The following RFT1 variants were observed in gnomAD, a reference collection of about 807,000 sequenced individuals.
RFT1 encodes man(5)GlcNAc(2)-PP-dolichol translocation protein RFT1.
RFT1 carries 43 observed loss-of-function variants against 62.2 expected under a neutral mutation model. The observed-to-expected ratio is 0.69, with a 90% CI of 0.54 to 0.89. The LOEUF (loss-of-function observed/expected upper bound fraction) is 0.89. RFT1 is among the 40% of genes least tolerant of loss of function. RFT1 has a pLI of 0.00. For missense variants in RFT1, 605 were observed against 649.9 expected (o/e 0.93, Z 0.75); for synonymous variants, 262 against 264.6 (o/e 0.99, Z 0.10).
chr3:53,068,796 A>C, the RFT1 span, among the ~76,000 whole-genome samples: 1 of 152,228 alleles, frequency 6.6e-6, no homozygotes. Flanking sequence ...ACAATGGTGC[A>C]AAAGTCATAC....
At chr3:53,070,698 T>C in the RFT1 span, among the ~76,000 whole-genome samples, 1 of 151,106 alleles carries the variant, frequency 6.6e-6, no homozygotes, top group African/African-American at 2.4e-5. Context: ...AAAGTAAAAA[T>C]GCATTCATGT....
At chr3:53,110,851 C>G (rs1701628022) in intron 7 of RFT1, among the ~76,000 whole-genome samples, 1 of 152,094 alleles carries the variant, frequency 6.6e-6, no homozygotes, top group Non-Finnish European at 1.5e-5. Context: ...CCTTCAGCAA[C>G]TTACAGCTGT....
intron 3 of RFT1, among the ~76,000 whole-genome samples, chr3:53,122,822 A>T (rs1702008898): frequency 6.6e-6 from 1 of 152,194 alleles, no homozygotes; most frequent in Non-Finnish European, 1.5e-5. Flanking sequence ...GGTCATGAAC[A>T]GCTAATCAAG....
the RFT1 span, among the ~76,000 whole-genome samples, chr3:53,079,025 C>T: frequency 6.6e-6 from 1 of 152,248 alleles, no homozygotes; most frequent in Admixed American, 6.5e-5. Context: ...CAGTTCCGGG[C>T]TCTCCAGCTC....
chr3:53,108,091 C>T (rs1017511633), intron 7 of RFT1, among the ~76,000 whole-genome samples: 6 of 152,208 alleles, frequency 3.9e-5, no homozygotes, highest in African/African-American at 1.4e-4. Context: ...TTCTGTCGCC[C>T]AGGCTAGAGT....
intron 10 of RFT1, among the ~76,000 whole-genome samples, chr3:53,103,421 A>AC (rs1701373160): frequency 6.6e-6 from 1 of 152,232 alleles, no homozygotes; most frequent in African/African-American, 2.4e-5. Context: ...AATTAGACAC[A>AC]TTCAATACTT....
At chr3:53,119,808 C>A in intron 6 of RFT1, 76 bp downstream of exon 6, 1 of 1,288,116 alleles carries the variant, frequency 7.8e-7, no homozygotes, top group Admixed American at 2.0e-5. Context: ...AACAATAAAC[C>A]AGTTGCAGTT....
At chr3:53,088,109 GCT>G (rs1361298987), downstream of RFT1, among the ~76,000 whole-genome samples, 1 of 152,210 alleles carries the variant, frequency 6.6e-6, no homozygotes, top group Non-Finnish European at 1.5e-5. Flanking sequence ...CACTTGCCCT[GCT>G]CTGTGCTGAA....
the RFT1 span, among the ~76,000 whole-genome samples, chr3:53,080,685 G>A: frequency 1.3e-5 from 2 of 152,180 alleles, no homozygotes; most frequent in African/African-American, 4.8e-5. Flanking sequence ...CCTGTCTAGT[G>A]CTTTACCTAC....
the RFT1 span, among the ~76,000 whole-genome samples, chr3:53,081,418 C>T: frequency 2.6e-5 from 4 of 152,144 alleles, no homozygotes; most frequent in South Asian, 8.3e-4. Flanking sequence ...TACCTCGGCA[C>T]GGGGATTGGA....
the RFT1 span, among the ~76,000 whole-genome samples, chr3:53,072,053 G>A: frequency 1.3e-5 from 2 of 152,204 alleles, no homozygotes; most frequent in Admixed American, 6.5e-5. Flanking sequence ...AGGGGAACAC[G>A]TGTCCTAGAG....
intron 11 of RFT1, among the ~76,000 whole-genome samples, chr3:53,098,495 C>T (rs1701207716): frequency 6.6e-6 from 1 of 151,836 alleles, no homozygotes; most frequent in African/African-American, 2.4e-5. Context: ...ATCAAGGTTA[C>T]AGAGGCAGCA....
chr3:53,098,606 A>C (rs2564958), intron 11 of RFT1, among the ~76,000 whole-genome samples: 6 of 151,690 alleles, frequency 4.0e-5, no homozygotes, highest in East Asian at 3.9e-4. Context: ...ATCGAGACCA[A>C]CCTGGCTGAC....
At chr3:53,081,843 T>G in the RFT1 span, among the ~76,000 whole-genome samples, 1 of 152,192 alleles carries the variant, frequency 6.6e-6, no homozygotes, top group Admixed American at 6.5e-5. Flanking sequence ...TAAGATGGGA[T>G]GAAGACAGAG....
Position 53,091,881 on chromosome 3 carries a change from G to A in RFT1, c.*22C>T, listed in dbSNP as rs368020513. On this transcript the variant is annotated 3_prime_UTR_variant, in exon 13 of 13. Transcript: ENST00000296292. Reference sequence around the variant, plus strand: ...TACCCATAGCTGGTCCAGGTGCCTCGGGTGTCCAGGCTTCCCTGAAGTCAT... The same window carrying A: ...TACCCATAGCTGGTCCAGGTGCCTCAGGTGTCCAGGCTTCCCTGAAGTCAT... 3.9e-5 allele frequency: 63 copies of A among 1,613,330 alleles called. No individual in the cohort carries two copies. The highest frequency in any genetic ancestry group is 4.9e-5 in the Non-Finnish European group (58 of 1,179,662).
intron 1 of RFT1, among the ~76,000 whole-genome samples, chr3:53,127,652 T>TAAA: frequency 7.3e-6 from 1 of 137,868 alleles, no homozygotes; most frequent in African/African-American, 2.7e-5. Context: ...GACTCCATCT[T>TAAA]AAAAAAAAAA....
Position 53,119,949 on chromosome 3 carries a change from T to C in RFT1, c.631A>G (p.Thr211Ala), listed in dbSNP as rs1337957139. 3.1e-6 allele frequency: 5 copies of C among 1,613,136 alleles called. No homozygotes were observed. The highest frequency in any genetic ancestry group is 2.2e-5 in the East Asian group (1 of 44,864). The change falls in exon 6 of 13, where the codon ACC becomes GCC. Residue 211 changes from threonine (T) to alanine (A), a missense_variant. Coordinates refer to ENST00000296292, the MANE Select transcript of RFT1 (RefSeq NM_052859.4). The stretch of plus-strand genomic sequence containing the variant: ...GAGACAGGAAGAGTTTGAAGCTTGG[T>C]TGATTCTGGGGAACCCAGTAACTTT... ...FTKLLGSPES[T>A]KLQTLPVSRI...
the RFT1 span, chr3:53,078,222 A>G: frequency 6.6e-6 from 1 of 152,218 alleles, no homozygotes; most frequent in Non-Finnish European, 1.5e-5. Flanking sequence ...CTGCAATGGC[A>G]TATTATAGTA....
chr3:53,130,347 G>T lies in RFT1; in HGVS notation c.54C>A (p.Leu18=). 1 of 1,568,792 alleles carries T rather than the reference G, an allele frequency of 6.4e-7. No individual in the cohort carries two copies. Among genetic ancestry groups the T allele is most frequent in the Non-Finnish European group, 8.6e-7 (1 of 1,157,388 alleles). Residue 18 remains leucine (L), a synonymous_variant, in exon 1 of 13, where the codon CTC becomes CTA. Transcript: ENST00000296292. ...GAAGGGCAGAGAGTACCTGCAGGAG[G>T]AGACCGGAGGAGGCCAGCCGGGCCG... ...GHAARLASSG[L]LLQVLFRLIT...
Sources: gnomAD v4.1 joint callset for allele counts (sites outside exome capture counted in the v4.1 genomes callset) on GRCh38, gnomAD v4.1.1 for gene constraint, MANE v1.5 for transcripts, NCBI Gene and HGNC (gene_info 2026-07-23, HGNC 2026-07-21) for gene names.